The following KCNIP1 variants were observed in gnomAD, a reference collection of about 807,000 sequenced individuals.
KCNIP1 encodes the protein potassium voltage-gated channel interacting protein 1.
Under a neutral mutation model 33.0 loss-of-function variants are expected in KCNIP1, and 18 were observed. The ratio of observed to expected loss-of-function variants is 0.55; its 90% CI spans 0.38 to 0.81. The LOEUF is 0.81. KCNIP1 is among the 30% of genes least tolerant of loss of function. The pLI, the probability that KCNIP1 is intolerant of heterozygous loss-of-function variation, is 0.00. For missense variants in KCNIP1, 238 were observed against 271.6 expected, an observed-to-expected ratio of 0.88 and a Z score of 0.87; for synonymous variants, 93 against 98.3, an observed-to-expected ratio of 0.95 and a Z score of 0.32.
chr5:170,409,151 C>T (rs193178013), intron 1 of KCNIP1, among the ~76,000 whole-genome samples: 61 of 152,336 alleles, frequency 4.0e-4, no homozygotes, highest in African/African-American at 1.4e-3. Context: ...GAGGCAGATC[C>T]AGGATGTGAA....
At position 170,437,662 on chromosome 5, in the gene KCNIP1, C is replaced by T. The variant is rs561363935; in HGVS notation, c.88+83698C>T. Among the ~76,000 whole-genome samples, 153 of 152,232 alleles carry T rather than the reference C, an allele frequency of 1.0e-3. 1 individual carries two copies. Among genetic ancestry groups the T allele is most frequent in the Non-Finnish European group, 1.5e-3 (103 of 68,008 alleles). On this transcript the variant is annotated intron_variant, in intron 1 of 7. Coordinates refer to the KCNIP1 transcript ENST00000377360. ...GGTGGACCGGCCGGAGCAGAACGGACCCTCCCCTTCAAAGCGGGACTCTGC... is the reference window on the plus strand; with the variant it reads ...GGTGGACCGGCCGGAGCAGAACGGATCCTCCCCTTCAAAGCGGGACTCTGC...
intron 1 of KCNIP1, among the ~76,000 whole-genome samples, chr5:170,700,159 G>T (rs890915337): frequency 8.6e-5 from 13 of 151,874 alleles, no homozygotes; most frequent in Non-Finnish European, 1.9e-4. Flanking sequence ...TGGGCTCCTT[G>T]TAGAGGATGT....
intron 1 of KCNIP1, among the ~76,000 whole-genome samples, chr5:170,664,226 T>A (rs1761614684): frequency 6.6e-6 from 1 of 152,172 alleles, no homozygotes; most frequent in Admixed American, 6.5e-5. Flanking sequence ...GCACTCTATG[T>A]CTGAACAGCT....
intron 1 of KCNIP1, among the ~76,000 whole-genome samples, chr5:170,372,421 C>G (rs559586153): frequency 6.6e-6 from 1 of 152,260 alleles, no homozygotes; most frequent in South Asian, 2.1e-4. Flanking sequence ...TGTTAAACCA[C>G]TGGCCATTGG....
At chr5:170,616,848 T>C (rs1160863781) in intron 1 of KCNIP1, among the ~76,000 whole-genome samples, 3 of 152,070 alleles carry the variant, frequency 2.0e-5, no homozygotes, top group Non-Finnish European at 4.4e-5. Flanking sequence ...TAACTCCTAC[T>C]TCTGCCTTGT....
chr5:170,375,658 G>C (rs1177513069), intron 1 of KCNIP1: 1 of 152,638 alleles, frequency 6.6e-6, no homozygotes, highest in Admixed American at 6.5e-5. Context: ...CTGTGGTTGA[G>C]ATGCCAGGTA....
chr5:170,509,475 G>A (rs1754851016), intron 1 of KCNIP1, among the ~76,000 whole-genome samples: 1 of 152,230 alleles, frequency 6.6e-6, no homozygotes. Context: ...TTGTCTGCCT[G>A]GAAGGGCCTT....
intron 1 of KCNIP1, among the ~76,000 whole-genome samples, chr5:170,397,727 A>G (rs1244349937): frequency 1.3e-5 from 2 of 152,208 alleles, no homozygotes; most frequent in African/African-American, 4.8e-5. Flanking sequence ...TAAGCCAAAT[A>G]TGAGTGACCA....
At chr5:170,608,022 C>T (rs924064487) in intron 1 of KCNIP1, among the ~76,000 whole-genome samples, 2 of 152,206 alleles carry the variant, frequency 1.3e-5, no homozygotes, top group African/African-American at 4.8e-5. Flanking sequence ...TTTATTCTCT[C>T]ACTGCCCTGA....
chr5:170,558,099 A>G (rs1756903011), intron 1 of KCNIP1, among the ~76,000 whole-genome samples: 1 of 152,184 alleles, frequency 6.6e-6, no homozygotes, highest in African/African-American at 2.4e-5. Flanking sequence ...TGGCCTAGCC[A>G]AGCTCCCTTC....
At chr5:170,701,733 C>G (rs567822778) in intron 1 of KCNIP1, among the ~76,000 whole-genome samples, 4 of 152,270 alleles carry the variant, frequency 2.6e-5, no homozygotes, top group Admixed American at 2.0e-4. Context: ...TATATGCCAG[C>G]GCTCTATCTG....
chr5:170,486,890 ATAATT>A (rs1217298845), intron 1 of KCNIP1, among the ~76,000 whole-genome samples: 1 of 152,200 alleles, frequency 6.6e-6, no homozygotes, highest in Non-Finnish European at 1.5e-5. Context: ...TGGTCTCACT[ATAATT>A]TATTTAATCC....
chr5:170,615,649 A>G (rs1759337868), intron 1 of KCNIP1, among the ~76,000 whole-genome samples: 1 of 152,120 alleles, frequency 6.6e-6, no homozygotes, highest in Admixed American at 6.6e-5. Context: ...GGTACCCTCC[A>G]CTTGCCATGG....
chr5:170,712,495 A>T (rs73800903), intron 1 of KCNIP1, among the ~76,000 whole-genome samples: 1 of 152,176 alleles, frequency 6.6e-6, no homozygotes, highest in African/African-American at 2.4e-5. Flanking sequence ...TGTGGAGGGT[A>T]TCTTATAAGC....
intron 5 of KCNIP1, among the ~76,000 whole-genome samples, chr5:170,726,435 A>C (rs907217988): frequency 6.6e-6 from 1 of 152,204 alleles, no homozygotes; most frequent in Non-Finnish European, 1.5e-5. Context: ...ATGAAATACA[A>C]TTGCACAGAA....
intron 1 of KCNIP1, among the ~76,000 whole-genome samples, chr5:170,612,820 C>T (rs1057376844): frequency 6.6e-6 from 1 of 152,112 alleles, no homozygotes; most frequent in Admixed American, 6.5e-5. Flanking sequence ...CTGCCCTTCC[C>T]CCAAGTGGGG....
chr5:170,591,024 A>G (rs528863872), intron 1 of KCNIP1, among the ~76,000 whole-genome samples: 1 of 152,364 alleles, frequency 6.6e-6, no homozygotes, highest in East Asian at 1.9e-4. Flanking sequence ...CCTTGGAAGG[A>G]GAAGAGAACA....
At chr5:170,503,692 GACAC>G (rs113237236), upstream of KCNIP1, among the ~76,000 whole-genome samples, 96,618 of 142,868 alleles carry the variant, frequency 0.68, 32,089 homozygotes, top group East Asian at 0.97. Context: ...CACACACAGG[GACAC>G]ACACACACAC....
chr5:170,576,509 A>T (rs115860600), intron 1 of KCNIP1, among the ~76,000 whole-genome samples: 1 of 152,186 alleles, frequency 6.6e-6, no homozygotes, highest in Non-Finnish European at 1.5e-5. Flanking sequence ...TGTGGGATGG[A>T]AGATATTGTT....
Sources: gnomAD v4.1 joint callset for allele counts (sites outside exome capture counted in the v4.1 genomes callset) on GRCh38, gnomAD v4.1.1 for gene constraint, MANE v1.5 for transcripts, NCBI Gene and HGNC (gene_info 2026-07-23, HGNC 2026-07-21) for gene names.